Variants in AP3M1 observed in about 807,000 individuals in gnomAD.
AP3M1 encodes the protein AP-3 complex subunit mu-1.
AP3M1 carries 29 observed loss-of-function variants against 42.6 expected under a neutral mutation model. That is an observed-to-expected ratio of 0.68 (90% confidence interval 0.51 to 0.93). AP3M1 has a LOEUF of 0.93. Ranked by LOEUF, AP3M1 falls within the 40% of genes least tolerant of loss-of-function variation. The pLI, the probability that AP3M1 is intolerant of heterozygous loss-of-function variation, is 0.00. For missense variants in AP3M1, 416 were observed against 510.2 expected, an observed-to-expected ratio of 0.82 and a Z score of 1.78; for synonymous variants, 178 against 175.3, an observed-to-expected ratio of 1.02 and a Z score of -0.12.
intron 1 of AP3M1, among the ~76,000 whole-genome samples, chr10:74,149,270 T>G (rs1227114876): frequency 9.0e-5 from 1 of 11,064 alleles, no homozygotes; most frequent in Non-Finnish European, 2.3e-4. Context: ...ACGTAAGGTT[T>G]TTTTTTTTTT....
chr10:74,148,144 G>C (rs189229502), intron 1 of AP3M1, among the ~76,000 whole-genome samples: 2 of 152,226 alleles, frequency 1.3e-5, no homozygotes, highest in African/African-American at 4.8e-5. Context: ...AGGATGAAAA[G>C]ACAGGAAAAT....
At chr10:74,147,247 T>C (rs1462219822) in intron 1 of AP3M1, among the ~76,000 whole-genome samples, 1 of 152,012 alleles carries the variant, frequency 6.6e-6, no homozygotes, top group Non-Finnish European at 1.5e-5. Flanking sequence ...ATGGCGCCAC[T>C]GCACTCTAGC....
intron 8 of AP3M1, 81 bp downstream of exon 8, chr10:74,124,298 AC>A (rs373290036): frequency 6.6e-7 from 1 of 1,505,332 alleles, no homozygotes; most frequent in African/African-American, 1.4e-5. Flanking sequence ...AGAGAAGGAA[AC>A]TTTTGTTACT....
Position 74,124,265 on chromosome 10 carries a change from G to A in AP3M1, c.1156+115C>T. The A allele has an allele frequency of 1.5e-6, 2 of 1,312,074 alleles. 1 individual carries two copies. Among genetic ancestry groups the A allele is most frequent in the Non-Finnish European group, 2.1e-6 (2 of 961,040 alleles). 81.3% of individuals were successfully genotyped at this position (1,312,074 alleles called of 1,614,324 possible). A position where few individuals can be genotyped will look rare whatever the true frequency, so the allele number is the denominator to read the frequency against. ...TGCCCCACCAAGCACAGTATAAAAGGCAAATGGGCTACTGCTCTTTCTAGA... is the reference window on the plus strand; with the variant it reads ...TGCCCCACCAAGCACAGTATAAAAGACAAATGGGCTACTGCTCTTTCTAGA... On this transcript the variant is annotated intron_variant, in intron 8 of 8. Transcript: ENST00000355264.
rs1216414113 is a variant in AP3M1 at position 74,122,025 on chromosome 10, C to A, written c.*1785G>T. 1.3e-5 allele frequency: 2 copies of A among 152,164 alleles called. No homozygotes were observed. The highest frequency in any genetic ancestry group is 2.9e-5 in the Non-Finnish European group (2 of 68,030). 9.4% of individuals were successfully genotyped at this position (152,164 alleles called of 1,614,324 possible). A position where few individuals can be genotyped will look rare whatever the true frequency, so the allele number is the denominator to read the frequency against. ...CAGCAGAAAGCAAAGCAAATGTTCTCATTGTTCTTTTGAGGTACGAACTCT... is the reference window on the plus strand; with the variant it reads ...CAGCAGAAAGCAAAGCAAATGTTCTAATTGTTCTTTTGAGGTACGAACTCT... On this transcript the variant is annotated 3_prime_UTR_variant, in exon 9 of 9. Coordinates refer to ENST00000355264, the MANE Select transcript of AP3M1 (RefSeq NM_012095.6).
chr10:74,144,664 GA>G (rs1429206890), intron 1 of AP3M1, among the ~76,000 whole-genome samples: 7 of 148,890 alleles, frequency 4.7e-5, no homozygotes, highest in Admixed American at 1.3e-4. Flanking sequence ...TTTAGCTTAT[GA>G]TTTTTTTTTT....
At chr10:74,130,923 CA>C in intron 4 of AP3M1, among the ~76,000 whole-genome samples, 1 of 151,982 alleles carries the variant, frequency 6.6e-6, no homozygotes. Flanking sequence ...CCAGCCTGGG[CA>C]ACATGGCAAA....
chr10:74,125,108 G>A (rs1840576496), intron 7 of AP3M1, among the ~76,000 whole-genome samples: 1 of 152,110 alleles, frequency 6.6e-6, no homozygotes, highest in Non-Finnish European at 1.5e-5. Flanking sequence ...AGCCTCCCAA[G>A]CAGCTGGGAT....
At chr10:74,125,418 G>A (rs1321493471) in intron 7 of AP3M1, among the ~76,000 whole-genome samples, 1 of 152,264 alleles carries the variant, frequency 6.6e-6, no homozygotes, top group East Asian at 1.9e-4. Flanking sequence ...AGCTGTCATA[G>A]TTGAAGCTGT....
At chr10:74,137,323 T>C (rs1049268760) in intron 2 of AP3M1, among the ~76,000 whole-genome samples, 7 of 152,248 alleles carry the variant, frequency 4.6e-5, no homozygotes, top group African/African-American at 1.7e-4. Flanking sequence ...AATATTTTCT[T>C]GATATTTCTA....
At chr10:74,141,559 C>T (rs1013678679) in intron 1 of AP3M1, among the ~76,000 whole-genome samples, 1 of 152,046 alleles carries the variant, frequency 6.6e-6, no homozygotes, top group Non-Finnish European at 1.5e-5. Flanking sequence ...AAGCCAGATG[C>T]AAAAGAATAT....
chr10:74,149,540 A>C (rs1370866709), intron 1 of AP3M1, among the ~76,000 whole-genome samples: 2 of 152,014 alleles, frequency 1.3e-5, no homozygotes, highest in Non-Finnish European at 2.9e-5. Context: ...CGCCCGCTTC[A>C]GCCTGCCAAA....
chr10:74,141,471 G>T (rs1206576084), intron 1 of AP3M1, among the ~76,000 whole-genome samples: 1 of 151,974 alleles, frequency 6.6e-6, no homozygotes, highest in Non-Finnish European at 1.5e-5. Context: ...TAAAAAATGG[G>T]CAAAGGATTT....
At chr10:74,133,468 G>A (rs1324229218) in intron 4 of AP3M1, among the ~76,000 whole-genome samples, 2 of 151,900 alleles carry the variant, frequency 1.3e-5, no homozygotes, top group Non-Finnish European at 2.9e-5. Flanking sequence ...AGCTGAAGCA[G>A]CAGGATCGCT....
At chr10:74,142,793 G>A (rs1841197213) in intron 1 of AP3M1, among the ~76,000 whole-genome samples, 1 of 152,092 alleles carries the variant, frequency 6.6e-6, no homozygotes. Flanking sequence ...TATAGAACCT[G>A]CTGATTTTAA....
At chr10:74,126,470 C>A (rs1236822985) in intron 6 of AP3M1, 115 bp from the exon 7 acceptor site, 3 of 733,982 alleles carry the variant, frequency 4.1e-6, no homozygotes, top group African/African-American at 1.8e-5. Context: ...GCCTTTAACT[C>A]CACAATAAGG....
rs1840877235 is a variant in AP3M1, at chr10:74,134,241, G to C, written c.446-77C>G. 9 of 1,452,362 alleles carry C rather than the reference G, an allele frequency of 6.2e-6. No homozygotes were observed. The East Asian group carries it at 2.1e-4, about 34-fold the overall frequency. The allele number at this position is 1,452,362 out of a possible 1,614,324, so 90.0% of individuals were successfully genotyped here. The stretch of plus-strand genomic sequence containing the variant: ...AAAATTTATTACTAGGAAAAAAAAA[G>C]CTGCTTCTTCAATGTTTGGATTTTT... On this transcript the variant is annotated intron_variant, in intron 3 of 8. Transcript: ENST00000355264.
intron 4 of AP3M1, among the ~76,000 whole-genome samples, chr10:74,132,208 T>C (rs1191341387): frequency 2.0e-5 from 3 of 151,914 alleles, no homozygotes; most frequent in Admixed American, 6.6e-5. Flanking sequence ...CAGCTAATTT[T>C]TGTATTTATA....
chr10:74,131,631 T>C (rs889159119), intron 4 of AP3M1, among the ~76,000 whole-genome samples: 34 of 152,260 alleles, frequency 2.2e-4, no homozygotes, highest in African/African-American at 7.2e-4. Context: ...CACCACAGCA[T>C]TGAACTCCTG....
Sources: allele counts gnomAD v4.1 joint callset (sites outside exome capture counted in the v4.1 genomes callset), GRCh38; gene constraint gnomAD v4.1.1; transcripts MANE v1.5; gene names NCBI Gene and HGNC (gene_info 2026-07-23, HGNC 2026-07-21).